MMP28: variants seen among roughly 807,000 people sequenced by gnomAD.
MMP28 encodes the protein matrix metalloproteinase-28.
Under a neutral mutation model 60.5 loss-of-function variants are expected in MMP28, and 55 were observed. That is an observed-to-expected ratio of 0.91 (90% CI 0.73 to 1.14). MMP28 has a LOEUF of 1.14. Among genes scored for constraint, MMP28 ranks in the 50% most tolerant of loss-of-function variants. The pLI is 0.00. For synonymous variants in MMP28, 318 were observed against 312.5 expected, an observed-to-expected ratio of 1.02 and a Z score of -0.18; for missense variants, 686 against 738.3, an observed-to-expected ratio of 0.93 and a Z score of 0.82.
intron 6 of MMP28, 41 bp from the exon 7 acceptor site, chr17:35,767,960 T>C (rs2085997620): frequency 6.5e-7 from 1 of 1,530,008 alleles, no homozygotes; most frequent in Non-Finnish European, 8.8e-7. Flanking sequence ...GACCATCAGC[T>C]TCCTGCTGTC....
At chr17:35,782,299 C>T (rs2143487829) in intron 1 of MMP28, among the ~76,000 whole-genome samples, 1 of 152,290 alleles carries the variant, frequency 6.6e-6, no homozygotes, top group East Asian at 1.9e-4. Context: ...TCATGATCCG[C>T]CCGCCTCAGC....
At chr17:35,783,426 G>C (rs145764881) in intron 1 of MMP28, among the ~76,000 whole-genome samples, 1 of 152,332 alleles carries the variant, frequency 6.6e-6, no homozygotes, top group Admixed American at 6.5e-5. Context: ...TCTCAGACTT[G>C]CCTGACCTCA....
chr17:35,756,446 G>A (rs9896368), intron 2 of MMP28: 99,675 of 983,510 alleles, frequency 0.1, 7,806 homozygotes, highest in African/African-American at 0.39. Context: ...CAGAGAGGAC[G>A]GAATGCACCA....
At chr17:35,764,449 C>T (rs781952915), downstream of MMP28, 75 of 1,553,576 alleles carry the variant, frequency 4.8e-5, no homozygotes, top group African/African-American at 7.9e-4. Context: ...CCGGAGGAGC[C>T]GTGCGTGCTG....
At chr17:35,757,464 T>C (rs2085752674) in intron 2 of MMP28, 1 of 152,196 alleles carries the variant, frequency 6.6e-6, no homozygotes, top group South Asian at 2.1e-4. Context: ...AGCAGCCATT[T>C]TGTAACCAAG....
In MMP28 at chr17:35,767,601, A is replaced by C; in HGVS notation, c.1168+151T>G. 5 of 916,996 alleles carry C rather than the reference A, an allele frequency of 5.5e-6. No individual in the cohort carries two copies. The South Asian group carries it at 8.8e-5, about 16-fold the overall frequency. 56.8% of individuals were successfully genotyped at this position (916,996 alleles called of 1,614,324 possible). ...ATCCCTGAAAGGTATCTTCTGATAGAGTCTTCCCTGGGGTCACAGGTTCAG... is the reference window on the plus strand; with the variant it reads ...ATCCCTGAAAGGTATCTTCTGATAGCGTCTTCCCTGGGGTCACAGGTTCAG... On this transcript the variant is annotated intron_variant, in intron 7 of 7. Transcript: ENST00000605424.
chr17:35,771,430 C>CAAAA (rs548706247), intron 4 of MMP28, among the ~76,000 whole-genome samples: 6 of 47,316 alleles, frequency 1.3e-4, no homozygotes, highest in Non-Finnish European at 1.2e-4. Flanking sequence ...GACTCTGTCT[C>CAAAA]AAAAAAAAAA....
At chr17:35,781,327 G>C (rs2086495107) in intron 1 of MMP28, among the ~76,000 whole-genome samples, 1 of 152,180 alleles carries the variant, frequency 6.6e-6, no homozygotes. Flanking sequence ...TACAGATGGG[G>C]GTGCGTGGGT....
At chr17:35,758,234 T>C (rs587751258) in intron 2 of MMP28, 1 of 152,328 alleles carries the variant, frequency 6.6e-6, no homozygotes, top group East Asian at 1.9e-4. Context: ...ATTCAGTCAA[T>C]TCTGAGTTTT....
In MMP28 at chr17:35,779,262, C is replaced by G. The variant is rs779882824; in HGVS notation, c.173G>C (p.Arg58Pro). ...ACCCTACCTGATGGCATCGCTGAAT[C>G]GAGTGGAGGTGGGAGCTTTGGGGAC... ...EQVPKAPTSTRFSDAIRAFQW... is the reference protein window; with the variant it reads ...EQVPKAPTSTPFSDAIRAFQW... Residue 58 changes from arginine to proline, a missense_variant, in exon 2 of 8, where the codon CGA (arginine) becomes CCA (proline). Transcript: ENST00000605424. 4 of 1,612,926 alleles carry G rather than the reference C, an allele frequency of 2.5e-6. No individual in the cohort carries two copies. Among genetic ancestry groups the G allele is most frequent in the Non-Finnish European group, 3.4e-6 (4 of 1,179,514 alleles).
chr17:35,794,192 G>A (rs2086896902), intron 1 of MMP28, among the ~76,000 whole-genome samples: 1 of 151,468 alleles, frequency 6.6e-6, no homozygotes, highest in African/African-American at 2.4e-5. Flanking sequence ...AACACAAGCA[G>A]ACATGCTTCT....
intron 3 of MMP28, among the ~76,000 whole-genome samples, chr17:35,777,153 C>CGG (rs2086356405): frequency 6.6e-6 from 1 of 152,188 alleles, no homozygotes; most frequent in South Asian, 2.1e-4. Context: ...GATGAAGGAA[C>CGG]GGAGCCTCAG....
Position 35,768,374 on chromosome 17 carries a change from G to A in MMP28, c.856C>T (p.Pro286Ser). The A allele has an allele frequency of 1.2e-6, 2 of 1,600,906 alleles. No individual in the cohort carries two copies. The highest frequency in any genetic ancestry group is 1.7e-6 in the Non-Finnish European group (2 of 1,175,318). ...VLAVQSLYGK[P>S]LGGSVAVQLP... ...TGGACGGCCACTGAGCCCCCTAGGGGCTTCCCTTTGTGAGTAAGGAAATAA... is the reference window on the plus strand; with the variant it reads ...TGGACGGCCACTGAGCCCCCTAGGGACTTCCCTTTGTGAGTAAGGAAATAA... The change falls in exon 6 of 8, where the codon CCC (proline) becomes TCC (serine). Residue 286 changes from proline to serine, a missense_variant. Physicochemically the swap from Pro to Ser is moderately conservative, Grantham distance 74. Transcript: ENST00000605424.
chr17:35,774,666 C>A (rs1555607109), intron 3 of MMP28, among the ~76,000 whole-genome samples: 1 of 152,170 alleles, frequency 6.6e-6, no homozygotes, highest in African/African-American at 2.4e-5. Context: ...CTTCTCCCAC[C>A]CCTGAGCCAA....
At chr17:35,764,482 G>C (rs868969864), downstream of MMP28, 1 of 1,570,578 alleles carries the variant, frequency 6.4e-7, no homozygotes, top group South Asian at 1.2e-5. Context: ...CGACCGCCGC[G>C]CCGCGGGGGC....
rs530685359 is a variant in MMP28, at chr17:35,792,225, C to G, written c.111+3042G>C. Among the ~76,000 whole-genome samples, 6 of 152,228 alleles carry G rather than the reference C, an allele frequency of 3.9e-5. No homozygotes were observed. In the East Asian group the frequency reaches 1.2e-3, roughly 29 times the overall value. ...GTTCCCTCCCCTTGAACCTGGGAGG[C>G]AGCTGTGACTGCTCTAGCCAATGGA... is the stretch of plus-strand genomic sequence containing the variant. On this transcript the variant is annotated intron_variant, in intron 1 of 7. Transcript: ENST00000605424.
chr17:35,782,168 C>T lies in MMP28; in HGVS notation c.112-2845G>A, dbSNP rs7216079. On this transcript the variant is annotated intron_variant, in intron 1 of 7. Transcript: ENST00000605424. ...CTGGGTTCATGCCACTCTCCTGCCT[C>T]AGCCTCCCGAGTAACTGGGACTACA... Among the ~76,000 whole-genome samples the T allele has an allele frequency of 7.0e-3, 1,068 of 151,824 alleles. 11 individuals are homozygous for T. The highest frequency in any genetic ancestry group is 0.024 in the African/African-American group (1,007 of 41,334).
At position 35,789,957 on chromosome 17, in the gene MMP28, T is replaced by C. The variant is rs1280141226; in HGVS notation, c.111+5310A>G. On this transcript the variant is annotated intron_variant, in intron 1 of 7. Coordinates refer to ENST00000605424, the MANE Select transcript of MMP28 (RefSeq NM_024302.5). ...TTGTATTTTTAGTAGAGACGGGGTT[T>C]CACAATGTTGGCCAGGCTAGTCTCG... Among the ~76,000 whole-genome samples the C allele has an allele frequency of 3.3e-5, 5 of 151,754 alleles. No individual in the cohort carries two copies. The East Asian group carries it at 9.6e-4, about 29-fold the overall frequency.
downstream of MMP28, chr17:35,764,321 G>C (rs145033564): frequency 0.021 from 31,558 of 1,477,150 alleles, 436 homozygotes; most frequent in Non-Finnish European, 0.025. Flanking sequence ...AGCTCCCACC[G>C]ACAGGTGCCT....
Sources: gnomAD v4.1 joint callset for allele counts (sites outside exome capture counted in the v4.1 genomes callset) on GRCh38, gnomAD v4.1.1 for gene constraint, MANE v1.5 for transcripts, NCBI Gene and HGNC (gene_info 2026-07-23, HGNC 2026-07-21) for gene names.